SMYD3: variants seen among roughly 807,000 people sequenced by gnomAD.
The protein encoded by SMYD3 is histone-lysine N-methyltransferase SMYD3.
A neutral mutation model predicts 57.7 loss-of-function variants in SMYD3; 36 were observed. That is an observed-to-expected ratio of 0.62 (90% CI 0.48 to 0.82). The LOEUF (loss-of-function observed/expected upper bound fraction) is 0.82, where lower values mean the gene tolerates loss of function less well. Among genes scored for constraint, SMYD3 ranks in the 40% least tolerant of loss-of-function variants. The pLI is 0.00. For synonymous variants in SMYD3, 211 were observed against 195.0 expected (o/e 1.08, Z -0.68); for missense variants, 515 against 538.8 (o/e 0.96, Z 0.44).
At position 245,976,857 on chromosome 1, in the gene SMYD3, AGCCTAGGGAAAGCCATCGTCTCCG is replaced by A. The variant is rs2058441080; in HGVS notation, c.532-46944_532-46921del. On this transcript the variant is annotated intron_variant, in intron 5 of 11. Transcript: ENST00000490107. ...TAGCCTAGGGAAAGCCATCGTCTCT[AGCCTAGGGAAAGCCATCGTCTCCG>A]GCCCAGGGAAAGCCATCGTCTCTAG... 3.0e-4 allele frequency among the ~76,000 whole-genome samples: 6 copies of A among 20,180 alleles called. 1 individual carries two copies. Among genetic ancestry groups the A allele is most frequent in the Non-Finnish European group, 4.3e-4 (3 of 6,906 alleles). The allele number at this position is 20,180 out of a possible 152,430, so 13.2% of individuals were successfully genotyped here.
chr1:245,818,410 G>C (rs1172288374), intron 10 of SMYD3, among the ~76,000 whole-genome samples: 1 of 152,068 alleles, frequency 6.6e-6, no homozygotes, highest in African/African-American at 2.4e-5. Context: ...AACATCGAAA[G>C]GAACAACCGG....
chr1:246,460,847 T>A (rs946002), intron 1 of SMYD3, among the ~76,000 whole-genome samples: 84,243 of 152,050 alleles, frequency 0.55, 23,888 homozygotes, highest in Middle Eastern at 0.69. Flanking sequence ...GAAACTTCAA[T>A]TCAGCATGTC....
At chr1:245,949,825 A>ACCCCCCCCCCCC (rs376505931) in intron 5 of SMYD3, among the ~76,000 whole-genome samples, 62 of 93,286 alleles carry the variant, frequency 6.6e-4, no homozygotes, top group Non-Finnish European at 9.1e-4. Context: ...AAAGAAACCC[A>ACCCCCCCCCCCC]CCCCCCCCAC....
chr1:246,129,719 G>A (rs570933412), intron 5 of SMYD3, among the ~76,000 whole-genome samples: 2,667 of 152,254 alleles, frequency 0.018, 69 homozygotes, highest in African/African-American at 0.059. Flanking sequence ...GGACTCGTCT[G>A]TTCACGTAAC....
chr1:245,963,347 G>T (rs969220193), intron 5 of SMYD3, among the ~76,000 whole-genome samples: 1 of 152,186 alleles, frequency 6.6e-6, no homozygotes, highest in African/African-American at 2.4e-5. Context: ...CCCAAGACTA[G>T]AGAGACAGAG....
intron 1 of SMYD3, among the ~76,000 whole-genome samples, chr1:246,494,129 A>C (rs1237048621): frequency 6.6e-6 from 1 of 152,206 alleles, no homozygotes; most frequent in Non-Finnish European, 1.5e-5. Flanking sequence ...CTGCAGCCCA[A>C]AAATCTCTAT....
At chr1:246,067,868 T>C (rs1256203515) in intron 5 of SMYD3, among the ~76,000 whole-genome samples, 1 of 152,102 alleles carries the variant, frequency 6.6e-6, no homozygotes, top group East Asian at 1.9e-4. Context: ...GTCAGCATCA[T>C]GTGGCAGGAA....
chr1:246,123,932 C>T (rs2061465563), intron 5 of SMYD3, among the ~76,000 whole-genome samples: 1 of 152,152 alleles, frequency 6.6e-6, no homozygotes, highest in South Asian at 2.1e-4. Context: ...CCTATCAACG[C>T]CTCTTACAAG....
chr1:246,204,055 G>A (rs946453644), intron 5 of SMYD3, among the ~76,000 whole-genome samples: 2 of 152,118 alleles, frequency 1.3e-5, no homozygotes, highest in African/African-American at 4.8e-5. Flanking sequence ...ACTTCAGTCA[G>A]GTGTGAAAAC....
chr1:246,178,531 AC>A lies in SMYD3; in HGVS notation c.531+148669del, dbSNP rs568362783. Among the ~76,000 whole-genome samples the A allele has an allele frequency of 9.0e-3, 1,374 of 152,260 alleles. 4 individuals are homozygous for A. The highest frequency in any genetic ancestry group is 0.013 in the Non-Finnish European group (915 of 68,012). Reference sequence around the variant, plus strand: ...AGTATTTTCACGCTTGCCACATCATACCTGCTCGATCAATATTTACTGAAAC... The same window carrying A: ...AGTATTTTCACGCTTGCCACATCATACTGCTCGATCAATATTTACTGAAAC... On this transcript the variant is annotated intron_variant, in intron 5 of 11. Coordinates refer to ENST00000490107, the MANE Select transcript of SMYD3 (RefSeq NM_001167740.2).
At chr1:245,760,217 T>C (rs976092988) in intron 11 of SMYD3, among the ~76,000 whole-genome samples, 7 of 152,262 alleles carry the variant, frequency 4.6e-5, no homozygotes, top group Non-Finnish European at 7.3e-5. Context: ...CTCTGATTTC[T>C]ATTCAAACTC....
At chr1:246,179,583 G>A (rs935154452) in intron 5 of SMYD3, among the ~76,000 whole-genome samples, 1 of 152,136 alleles carries the variant, frequency 6.6e-6, no homozygotes, top group East Asian at 1.9e-4. Flanking sequence ...ATCCCTTTTA[G>A]TAGATTTAAT....
chr1:246,400,262 TGCC>T (rs2066746117), intron 1 of SMYD3, among the ~76,000 whole-genome samples: 1 of 152,258 alleles, frequency 6.6e-6, no homozygotes, highest in Non-Finnish European at 1.5e-5. Flanking sequence ...AAACAGTGCC[TGCC>T]TTCACAAAGC....
At chr1:245,887,913 G>T (rs189152919) in intron 8 of SMYD3, among the ~76,000 whole-genome samples, 16 of 152,316 alleles carry the variant, frequency 1.1e-4, no homozygotes, top group East Asian at 1.9e-4. Flanking sequence ...AAGCAGGTTT[G>T]CTGAAAGACT....
intron 1 of SMYD3, among the ~76,000 whole-genome samples, chr1:246,406,015 C>G (rs2066860796): frequency 6.6e-6 from 1 of 151,970 alleles, no homozygotes; most frequent in Non-Finnish European, 1.5e-5. Flanking sequence ...CAAACTCTCT[C>G]ATTCTCCTGT....
chr1:246,229,935 T>G (rs932064811), intron 5 of SMYD3, among the ~76,000 whole-genome samples: 2 of 152,208 alleles, frequency 1.3e-5, no homozygotes, highest in Non-Finnish European at 2.9e-5. Context: ...ACATTAAACC[T>G]AAAACAGACT....
At chr1:246,280,585 T>A (rs6686387) in intron 5 of SMYD3, among the ~76,000 whole-genome samples, 1 of 152,196 alleles carries the variant, frequency 6.6e-6, no homozygotes, top group South Asian at 2.1e-4. Flanking sequence ...CAGTGAAATC[T>A]CCATTTCTCT....
intron 1 of SMYD3, among the ~76,000 whole-genome samples, chr1:246,375,226 G>T (rs1303701075): frequency 6.6e-6 from 1 of 151,924 alleles, no homozygotes; most frequent in African/African-American, 2.4e-5. Flanking sequence ...CTACTAGGAG[G>T]AATGAATGGC....
At chr1:245,764,257 G>A in intron 10 of SMYD3, 108 bp from the exon 11 acceptor site, 1 of 715,656 alleles carries the variant, frequency 1.4e-6, no homozygotes, top group Non-Finnish European at 2.5e-6. Flanking sequence ...GAATGTTAAT[G>A]AGCTACTGAA....
Sources: gnomAD v4.1 joint callset for allele counts (sites outside exome capture counted in the v4.1 genomes callset) on GRCh38, gnomAD v4.1.1 for gene constraint, MANE v1.5 for transcripts, NCBI Gene and HGNC (gene_info 2026-07-23, HGNC 2026-07-21) for gene names.